Variants in ANKRD54 observed in about 807,000 individuals in gnomAD.
ANKRD54 encodes ankyrin repeat domain 54, also known as ankyrin repeat domain-containing protein 54.
ANKRD54 carries 26 observed loss-of-function variants against 36.2 expected under a neutral mutation model. The observed-to-expected ratio is 0.72, with a 90% confidence interval of 0.53 to 1.00. ANKRD54 has a LOEUF of 1.00. Ranked by LOEUF, ANKRD54 falls within the 50% of genes least tolerant of loss-of-function variation. The pLI, the probability that ANKRD54 is intolerant of heterozygous loss-of-function variation, is 0.00. For missense variants in ANKRD54, 384 were observed against 424.3 expected, an observed-to-expected ratio of 0.91 and a Z score of 0.83; for synonymous variants, 209 against 188.4, an observed-to-expected ratio of 1.11 and a Z score of -0.89.
In ANKRD54 at chr22:37,831,982, G is replaced by A. The variant is rs368798611; in HGVS notation, c.864C>T (p.Thr288=). ...TGCTCTGCATCTGCAGACTGAGGGA[G>A]GTGAAGCTGGCCAGGAGGTCAGTCA... ...DEVTDLLASF[T]SLSLQMQSME... The change falls in exon 8 of 8, where the codon ACC becomes ACT. Residue 288 remains threonine (T), a synonymous_variant. Coordinates refer to ENST00000215941, the MANE Select transcript of ANKRD54 (RefSeq NM_138797.4). The A allele has an allele frequency of 1.2e-5, 19 of 1,613,686 alleles. No homozygotes were observed. The highest frequency in any genetic ancestry group is 1.6e-5 in the Non-Finnish European group (19 of 1,179,856).
chr22:37,832,058 G>A, intron 7 of ANKRD54, 41 bp from the exon 8 acceptor site: 1 of 1,580,442 alleles, frequency 6.3e-7, no homozygotes, highest in South Asian at 1.1e-5. Context: ...GACACGGGGT[G>A]TGCCAGGGCT....
intron 7 of ANKRD54, 35 bp from the exon 8 acceptor site, chr22:37,832,052 CG>C (rs1922949261): frequency 1.9e-6 from 3 of 1,592,328 alleles, no homozygotes; most frequent in African/African-American, 1.3e-5. Flanking sequence ...TTATGGGACA[CG>C]GGGTGTGCCA....
chr22:37,847,385 C>G (rs866043599), upstream of ANKRD54, among the ~76,000 whole-genome samples: 19 of 152,202 alleles, frequency 1.2e-4, no homozygotes, highest in Middle Eastern at 6.8e-3. Flanking sequence ...TGGTCTCGAA[C>G]TCCTGACCTC....
upstream of ANKRD54, chr22:37,849,324 G>T: frequency 8.5e-7 from 1 of 1,178,088 alleles, no homozygotes; most frequent in South Asian, 1.2e-5. Flanking sequence ...GTCTCAGATG[G>T]CCAGAGGCCT....
chr22:37,849,210 C>T (rs1242997033), upstream of ANKRD54: 9 of 573,148 alleles, frequency 1.6e-5, no homozygotes, highest in African/African-American at 7.7e-5. Flanking sequence ...GGTCTCAAAC[C>T]CCCGGCCTCA....
chr22:37,837,283 T>C (rs1923672274), intron 3 of ANKRD54, among the ~76,000 whole-genome samples: 1 of 152,162 alleles, frequency 6.6e-6, no homozygotes, highest in African/African-American at 2.4e-5. Flanking sequence ...TGTACCCTAG[T>C]GACCCAACAA....
In ANKRD54 at chr22:37,844,185, G is replaced by T; in HGVS notation, c.54C>A (p.Ser18Arg). The change falls in exon 1 of 8, where the codon AGC becomes AGA. Residue 18 changes from serine (S) to arginine (R), a missense_variant. Ser to Arg is a moderately radical substitution (Grantham distance 110). Transcript: ENST00000215941. Reference sequence around the variant, plus strand: ...GCGCCACCGCGCACTCGCCCTCCGAGCTCGAGTGGCCTGAGCGCGGCTCGT... The same window carrying T: ...GCGCCACCGCGCACTCGCCCTCCGATCTCGAGTGGCCTGAGCGCGGCTCGT... ...ADDEPRSGHSSSEGECAVAPE... is the reference protein window; with the variant it reads ...ADDEPRSGHSRSEGECAVAPE... The T allele has an allele frequency of 6.6e-7, 1 of 1,513,756 alleles. No individual in the cohort carries two copies. The highest frequency in any genetic ancestry group is 8.8e-7 in the Non-Finnish European group (1 of 1,139,252). 93.8% of individuals were successfully genotyped at this position (1,513,756 alleles called of 1,614,324 possible).
chr22:37,838,626 G>T, intron 2 of ANKRD54, 28 bp from the exon 3 acceptor site: 1 of 1,594,098 alleles, frequency 6.3e-7, no homozygotes, highest in Middle Eastern at 1.7e-4. Flanking sequence ...GAGGGAGGAA[G>T]GGGGAGAAAG....
chr22:37,832,165 G>A (rs1569092334), intron 7 of ANKRD54, 148 bp from the exon 8 acceptor site: 4 of 748,336 alleles, frequency 5.3e-6, no homozygotes, highest in Non-Finnish European at 8.7e-6. Flanking sequence ...AGTTGACCAA[G>A]GGTCAATCTT....
chr22:37,844,520 C>T (rs1412610108), upstream of ANKRD54: 1 of 393,942 alleles, frequency 2.5e-6, no homozygotes, highest in Non-Finnish European at 4.6e-6. Context: ...GACATTGTAA[C>T]CAATTACAAA....
chr22:37,836,697 T>A (rs1220284898), intron 3 of ANKRD54, among the ~76,000 whole-genome samples: 2 of 151,388 alleles, frequency 1.3e-5, no homozygotes, highest in African/African-American at 4.9e-5. Flanking sequence ...GTAACGAACC[T>A]GCACGTTCTG....
At chr22:37,845,404 G>A (rs568548363), upstream of ANKRD54, among the ~76,000 whole-genome samples, 13 of 152,156 alleles carry the variant, frequency 8.5e-5, no homozygotes, top group South Asian at 2.7e-3. Context: ...TCACAATCCC[G>A]TACCCCACAA....
At chr22:37,835,778 C>G (rs916629628) in intron 3 of ANKRD54, among the ~76,000 whole-genome samples, 2 of 152,128 alleles carry the variant, frequency 1.3e-5, no homozygotes, top group Non-Finnish European at 2.9e-5. Context: ...TGCACGTAAG[C>G]CTGGATGACA....
At chr22:37,832,767 G>A (rs1923052070) in intron 6 of ANKRD54, 23 bp from the exon 7 acceptor site, 2 of 1,612,940 alleles carry the variant, frequency 1.2e-6, no homozygotes, top group South Asian at 1.1e-5. Flanking sequence ...GGTGAGCTGA[G>A]CTGCCTGGGT....
chr22:37,843,612 A>G (rs1924557418), intron 1 of ANKRD54: 1 of 216,446 alleles, frequency 4.6e-6, no homozygotes, highest in Non-Finnish European at 9.0e-6. Context: ...AGTGTTCCCC[A>G]GTACCTCATT....
At chr22:37,837,553 G>A (rs1214962195) in intron 3 of ANKRD54, among the ~76,000 whole-genome samples, 1 of 152,198 alleles carries the variant, frequency 6.6e-6, no homozygotes, top group East Asian at 1.9e-4. Context: ...CCGAGGATAT[G>A]GAGGGCCAAC....
intron 3 of ANKRD54, among the ~76,000 whole-genome samples, chr22:37,836,166 G>A (rs1241400915): frequency 6.7e-6 from 1 of 148,652 alleles, no homozygotes; most frequent in Non-Finnish European, 1.5e-5. Context: ...GACAAAAGAG[G>A]CCAGGTGCGG....
At chr22:37,833,621 C>T (rs1470077604) in intron 4 of ANKRD54, 63 bp downstream of exon 4, 3 of 1,581,846 alleles carry the variant, frequency 1.9e-6, no homozygotes, top group South Asian at 2.2e-5. Flanking sequence ...GCCCCACCCT[C>T]TTCATCTAAA....
upstream of ANKRD54, chr22:37,849,003 T>G (rs985335663): frequency 7.2e-6 from 2 of 277,044 alleles, no homozygotes; most frequent in East Asian, 1.3e-4. Flanking sequence ...TTATTCTTTT[T>G]AGACGGAGTT....
Sources: allele counts gnomAD v4.1 joint callset (sites outside exome capture counted in the v4.1 genomes callset), GRCh38; gene constraint gnomAD v4.1.1; transcripts MANE v1.5; gene names NCBI Gene and HGNC (gene_info 2026-07-23, HGNC 2026-07-21).